Variants in PTPRD observed in about 807,000 individuals in gnomAD.
The protein encoded by PTPRD is receptor-type tyrosine-protein phosphatase delta.
A neutral mutation model predicts 214.5 loss-of-function variants in PTPRD; 34 were observed. The ratio of observed to expected loss-of-function variants is 0.16; its 90% confidence interval spans 0.12 to 0.21. The LOEUF (loss-of-function observed/expected upper bound fraction) is 0.21, where lower values mean the gene tolerates loss of function less well. PTPRD is among the 10% of genes least tolerant of loss of function. The pLI is 1.00. For missense variants in PTPRD, 2,545 were observed against 2,398.7 expected, an observed-to-expected ratio of 1.06 and a Z score of -1.27; for synonymous variants, 1,128 against 845.7, an observed-to-expected ratio of 1.33 and a Z score of -5.79.
chr9:8,743,797 CAATAATAATAAT>C (rs138293869), intron 11 of PTPRD, among the ~76,000 whole-genome samples: 82 of 138,326 alleles, frequency 5.9e-4, no homozygotes, highest in African/African-American at 1.8e-3. Flanking sequence ...CAAAAAATAA[CAATAATAATAAT>C]AATAATAATA....
In PTPRD at chr9:8,528,596, C is replaced by A; in HGVS notation, c.536G>T (p.Arg179Leu). The change falls in exon 15 of 46, where the codon CGA becomes CTA. Residue 179 changes from arginine (R) to leucine (L), a missense_variant. By Grantham distance (102) the Arg-to-Leu change is moderately radical (BLOSUM62 -2). Coordinates refer to ENST00000381196, the MANE Select transcript of PTPRD (RefSeq NM_002839.4). ...AAACAGTAACAAGACCCTACCTGAT[C>A]GTAACTGCTTAATACGACCATTGTT... is the stretch of plus-strand genomic sequence containing the variant. ...SNNNGRIKQL[R>L]SESIGGTPIR... 6.2e-7 allele frequency: 1 copy of A among 1,613,532 alleles called. No individual in the cohort carries two copies. The highest frequency in any genetic ancestry group is 8.5e-7 in the Non-Finnish European group (1 of 1,179,654).
intron 9 of PTPRD, among the ~76,000 whole-genome samples, chr9:9,365,985 T>C (rs1285314094): frequency 1.3e-5 from 2 of 151,540 alleles, no homozygotes; most frequent in African/African-American, 4.8e-5. Context: ...TATTAAACTA[T>C]AATATTATAA....
At chr9:8,762,478 TAATTC>T (rs1307036429) in intron 11 of PTPRD, among the ~76,000 whole-genome samples, 1 of 152,166 alleles carries the variant, frequency 6.6e-6, no homozygotes, top group African/African-American at 2.4e-5. Context: ...TTTCTTAATT[TAATTC>T]AATTTCAAGC....
intron 8 of PTPRD, among the ~76,000 whole-genome samples, chr9:9,472,206 TC>T (rs60964996): frequency 0.51 from 54,840 of 107,690 alleles, 15,018 homozygotes; most frequent in South Asian, 0.62. Flanking sequence ...TTTTTTTTTT[TC>T]TTTTTTTGAG....
At chr9:10,188,354 T>A (rs777052037) in intron 3 of PTPRD, among the ~76,000 whole-genome samples, 1 of 152,064 alleles carries the variant, frequency 6.6e-6, no homozygotes, top group Non-Finnish European at 1.5e-5. Flanking sequence ...TTATTAGGAG[T>A]GAGAAATTAC....
chr9:9,586,104 G>C (rs1428817422), intron 7 of PTPRD, among the ~76,000 whole-genome samples: 1 of 152,008 alleles, frequency 6.6e-6, no homozygotes, highest in Non-Finnish European at 1.5e-5. Flanking sequence ...TCCTGGGCTA[G>C]TTGCGGTGGA....
chr9:8,475,566 C>G (rs553895950), intron 30 of PTPRD, among the ~76,000 whole-genome samples: 2 of 152,284 alleles, frequency 1.3e-5, no homozygotes, highest in Admixed American at 6.5e-5. Flanking sequence ...CTGAATTCCA[C>G]TGGTTTATCT....
chr9:8,880,932 T>C (rs1279410824), intron 11 of PTPRD, among the ~76,000 whole-genome samples: 1 of 151,984 alleles, frequency 6.6e-6, no homozygotes, highest in African/African-American at 2.4e-5. Context: ...ATTAAAAATA[T>C]ATGTATATAT....
intron 6 of PTPRD, among the ~76,000 whole-genome samples, chr9:9,746,000 A>G (rs180871441): frequency 6.6e-6 from 1 of 152,250 alleles, no homozygotes; most frequent in East Asian, 1.9e-4. Flanking sequence ...AAAGAACTCA[A>G]TTAACTTTGC....
At chr9:9,193,333 T>C (rs1049088231) in intron 9 of PTPRD, among the ~76,000 whole-genome samples, 4 of 152,140 alleles carry the variant, frequency 2.6e-5, no homozygotes, top group African/African-American at 9.7e-5. Flanking sequence ...ATAATTATGC[T>C]ATTTGAAGCC....
At chr9:9,114,471 A>C (rs1268888231) in intron 10 of PTPRD, among the ~76,000 whole-genome samples, 3 of 152,154 alleles carry the variant, frequency 2.0e-5, no homozygotes, top group East Asian at 3.9e-4. Context: ...CACAATCTGA[A>C]GGTATCTGAA....
At chr9:9,467,362 T>C (rs10977792) in intron 8 of PTPRD, among the ~76,000 whole-genome samples, 73,089 of 149,694 alleles carry the variant, frequency 0.49, 18,252 homozygotes, top group East Asian at 0.69. Flanking sequence ...CCAAGGCTGA[T>C]GGATCGTCTG....
At chr9:8,839,497 G>A (rs960115084) in intron 11 of PTPRD, among the ~76,000 whole-genome samples, 1 of 151,970 alleles carries the variant, frequency 6.6e-6, no homozygotes, top group African/African-American at 2.4e-5. Flanking sequence ...GCTAATTTTT[G>A]TATTTTTAGT....
intron 12 of PTPRD, among the ~76,000 whole-genome samples, chr9:8,673,590 C>T (rs1250412744): frequency 6.6e-6 from 1 of 152,152 alleles, no homozygotes; most frequent in African/African-American, 2.4e-5. Flanking sequence ...TCCTTCTATT[C>T]CATTTTTAAT....
intron 31 of PTPRD, among the ~76,000 whole-genome samples, chr9:8,467,905 G>C (rs376696413): frequency 2.1e-4 from 32 of 151,944 alleles, no homozygotes; most frequent in African/African-American, 7.5e-4. Flanking sequence ...ATGCACTGCA[G>C]AGGTGCTGAA....
At chr9:9,815,384 C>G (rs1345596628) in intron 5 of PTPRD, among the ~76,000 whole-genome samples, 1 of 152,032 alleles carries the variant, frequency 6.6e-6, no homozygotes, top group African/African-American at 2.4e-5. Context: ...AGATTAAATA[C>G]TTAAATATGA....
chr9:8,885,822 T>C (rs145627404), intron 11 of PTPRD, among the ~76,000 whole-genome samples: 116 of 152,206 alleles, frequency 7.6e-4, no homozygotes, highest in East Asian at 1.7e-3. Flanking sequence ...AAAACCTGAA[T>C]GTACCCATGT....
intron 8 of PTPRD, among the ~76,000 whole-genome samples, chr9:9,522,654 C>A (rs1240536575): frequency 6.6e-6 from 1 of 152,124 alleles, no homozygotes; most frequent in African/African-American, 2.4e-5. Context: ...TAATTTCCTG[C>A]ACTCTTTTCT....
intron 3 of PTPRD, among the ~76,000 whole-genome samples, chr9:10,133,298 A>C (rs1445824013): frequency 6.6e-6 from 1 of 152,148 alleles, no homozygotes; most frequent in Non-Finnish European, 1.5e-5. Flanking sequence ...GAAAATAAAG[A>C]AAAAAAGCTG....
Sources: allele counts gnomAD v4.1 joint callset (sites outside exome capture counted in the v4.1 genomes callset), GRCh38; gene constraint gnomAD v4.1.1; transcripts MANE v1.5; gene names NCBI Gene and HGNC (gene_info 2026-07-23, HGNC 2026-07-21).